The following ALG9 variants were observed in gnomAD, a reference collection of about 807,000 sequenced individuals.
The protein encoded by ALG9 is alpha-1,2-mannosyltransferase ALG9.
Under a neutral mutation model 81.8 loss-of-function variants are expected in ALG9, and 55 were observed. That is an observed-to-expected ratio of 0.67 (90% CI 0.54 to 0.84). The LOEUF (loss-of-function observed/expected upper bound fraction) is 0.84. ALG9 is among the 40% of genes least tolerant of loss of function. ALG9 has a pLI of 0.00. For synonymous variants in ALG9, 278 were observed against 274.3 expected, an observed-to-expected ratio of 1.01 and a Z score of -0.13; for missense variants, 629 against 745.0, an observed-to-expected ratio of 0.84 and a Z score of 1.81.
chr11:111,789,885 T>C (rs1947128893), intron 14 of ALG9, among the ~76,000 whole-genome samples: 1 of 151,680 alleles, frequency 6.6e-6, no homozygotes, highest in Admixed American at 6.6e-5. Context: ...TAAGTGGTGA[T>C]GACTATTTTC....
chr11:111,846,897 G>C (rs1348107861), intron 8 of ALG9, among the ~76,000 whole-genome samples: 3 of 152,162 alleles, frequency 2.0e-5, no homozygotes, highest in Non-Finnish European at 4.4e-5. Flanking sequence ...ACGCTGAACT[G>C]GTGCAAGATG....
At chr11:111,854,023 C>A (rs55820065) in intron 6 of ALG9, among the ~76,000 whole-genome samples, 1 of 151,626 alleles carries the variant, frequency 6.6e-6, no homozygotes, top group East Asian at 1.9e-4. Context: ...TACACCCACC[C>A]TGCCAAATAA....
chr11:111,792,601 C>G (rs781985419), intron 14 of ALG9, among the ~76,000 whole-genome samples: 1 of 152,156 alleles, frequency 6.6e-6, no homozygotes, highest in Non-Finnish European at 1.5e-5. Context: ...ATCATGAGAT[C>G]CAAGAAACAT....
rs138391226 is a variant in ALG9, at chr11:111,795,510, G to A, written c.1734-8990C>T. 6.4e-4 allele frequency among the ~76,000 whole-genome samples: 98 copies of A among 152,290 alleles called. 1 individual carries two copies. In the East Asian group the frequency reaches 0.017, roughly 26 times the overall value. ...ATGGCAATATACCCCGCAGGTGGCC[G>A]TTTACACAGAATTTGCTGAATCAGC... On this transcript the variant is annotated intron_variant, in intron 14 of 14. Coordinates refer to ENST00000616540, the MANE Select transcript of ALG9 (RefSeq NM_024740.2).
intron 8 of ALG9, among the ~76,000 whole-genome samples, chr11:111,853,007 T>C (rs546611425): frequency 4.0e-5 from 6 of 150,438 alleles, no homozygotes; most frequent in African/African-American, 4.9e-5. Context: ...ATGGAGATGA[T>C]AGTATTATGC....
intron 4 of ALG9, among the ~76,000 whole-genome samples, chr11:111,862,815 T>C (rs1246335706): frequency 1.3e-5 from 2 of 151,928 alleles, no homozygotes; most frequent in African/African-American, 2.4e-5. Context: ...CTTTTACTTG[T>C]TTGAAAATGT....
downstream of ALG9, among the ~76,000 whole-genome samples, chr11:111,781,680 T>C (rs1945946772): frequency 6.6e-6 from 1 of 152,128 alleles, no homozygotes; most frequent in South Asian, 2.1e-4. Flanking sequence ...GGAGTCTCAC[T>C]CTTGTTGCCC....
intron 14 of ALG9, among the ~76,000 whole-genome samples, chr11:111,801,740 TG>T (rs1949152950): frequency 1.3e-5 from 2 of 152,284 alleles, no homozygotes; most frequent in Non-Finnish European, 2.9e-5. Context: ...TCTCAACAGG[TG>T]GTTGTGAAAA....
At chr11:111,822,706 G>A (rs530339922) in intron 13 of ALG9, among the ~76,000 whole-genome samples, 20 of 151,054 alleles carry the variant, frequency 1.3e-4, no homozygotes, top group Admixed American at 5.3e-4. Flanking sequence ...ATGCAACACC[G>A]TCTCAAAAAA....
intron 9 of ALG9, 107 bp from the exon 10 acceptor site, chr11:111,840,916 T>C (rs964174019): frequency 3.1e-5 from 41 of 1,323,246 alleles, no homozygotes; most frequent in Non-Finnish European, 3.8e-5. Context: ...CCTAGGACAC[T>C]CCATAGAATG....
At chr11:111,776,576 A>C in the ALG9 span, among the ~76,000 whole-genome samples, 4 of 152,230 alleles carry the variant, frequency 2.6e-5, 1 homozygote, top group Admixed American at 2.6e-4. Flanking sequence ...CAACAGAGCG[A>C]GACTCTATCT....
chr11:111,819,420 CAT>C (rs1185732992), intron 13 of ALG9, among the ~76,000 whole-genome samples: 17 of 152,228 alleles, frequency 1.1e-4, no homozygotes, highest in African/African-American at 4.1e-4. Flanking sequence ...TCTTATTTCT[CAT>C]ATGTCACTGA....
chr11:111,839,517 A>G (rs1955872447), intron 10 of ALG9, among the ~76,000 whole-genome samples: 1 of 143,654 alleles, frequency 7.0e-6, no homozygotes, highest in Non-Finnish European at 1.5e-5. Context: ...CCCGAGAGGC[A>G]GAGCTTGCAG....
At position 111,853,505 on chromosome 11, in the gene ALG9, A is replaced by T; in HGVS notation, c.790-20T>A. ...AGGCACCTAAAACAGAGCAGAAAAT[A>T]GTTTTGATCTAGAAACATTCTCAAA... On this transcript the variant is annotated intron_variant, in intron 7 of 14. Transcript: ENST00000616540. 3 of 1,601,670 alleles carry T rather than the reference A, an allele frequency of 1.9e-6. No individual in the cohort carries two copies. Among genetic ancestry groups the T allele is most frequent in the Non-Finnish European group, 2.6e-6 (3 of 1,168,766 alleles).
chr11:111,807,900 T>C (rs1302311437), intron 14 of ALG9, among the ~76,000 whole-genome samples: 3 of 152,014 alleles, frequency 2.0e-5, no homozygotes, highest in Non-Finnish European at 2.9e-5. Context: ...GCTTGGGCAA[T>C]ATGGCAAAAC....
chr11:111,820,815 G>A (rs1206425493), intron 13 of ALG9, among the ~76,000 whole-genome samples: 1 of 151,780 alleles, frequency 6.6e-6, no homozygotes, highest in Non-Finnish European at 1.5e-5. Flanking sequence ...AGGTATTGTG[G>A]CTCACACCTG....
intron 12 of ALG9, among the ~76,000 whole-genome samples, chr11:111,837,201 G>A (rs1302118007): frequency 1.3e-5 from 2 of 152,118 alleles, no homozygotes; most frequent in Non-Finnish European, 2.9e-5. Context: ...CAAAAGCCTA[G>A]GACCCAGGGC....
intron 3 of ALG9, among the ~76,000 whole-genome samples, chr11:111,866,068 G>C (rs1402401138): frequency 6.6e-6 from 1 of 152,162 alleles, no homozygotes; most frequent in Admixed American, 6.6e-5. Context: ...GCCGAGGCAG[G>C]CGGATCACTT....
In ALG9 at chr11:111,863,051, C is replaced by T. The variant is rs528672900; in HGVS notation, c.476+2130G>A. Among the ~76,000 whole-genome samples the T allele has an allele frequency of 2.0e-5, 3 of 152,118 alleles. No individual in the cohort carries two copies. In the East Asian group the frequency reaches 5.8e-4, roughly 29 times the overall value. On this transcript the variant is annotated intron_variant, in intron 4 of 14. Transcript: ENST00000616540. Reference sequence around the variant, plus strand: ...TAGAGAAATTTTTTGCCAGATGCCACGGGCACTACCAACCCAGAACAATTT... The same window carrying T: ...TAGAGAAATTTTTTGCCAGATGCCATGGGCACTACCAACCCAGAACAATTT...
Sources: gnomAD v4.1 joint callset for allele counts (sites outside exome capture counted in the v4.1 genomes callset) on GRCh38, gnomAD v4.1.1 for gene constraint, MANE v1.5 for transcripts, NCBI Gene and HGNC (gene_info 2026-07-23, HGNC 2026-07-21) for gene names.